Variants in GRM5 observed in about 807,000 individuals in gnomAD.
The protein encoded by GRM5 is glutamate metabotropic receptor 5, also known as metabotropic glutamate receptor 5.
In GRM5, 19 loss-of-function variants were observed where a neutral mutation model predicts 83.1. The observed-to-expected ratio is 0.23, with a 90% confidence interval of 0.16 to 0.34. The LOEUF (loss-of-function observed/expected upper bound fraction) is 0.34. Ranked by LOEUF, GRM5 falls within the 10% of genes least tolerant of loss-of-function variation. GRM5 has a pLI of 1.00. For synonymous variants in GRM5, 675 were observed against 633.6 expected (o/e 1.07, Z -0.98); for missense variants, 1,160 against 1,588.3 (o/e 0.73, Z 4.58).
At chr11:88,997,121 T>C (rs931218310) in intron 2 of GRM5, among the ~76,000 whole-genome samples, 1 of 151,476 alleles carries the variant, frequency 6.6e-6, no homozygotes, top group African/African-American at 2.4e-5. Context: ...GGTCAGGAGT[T>C]CAAGACCAGC....
rs538494787 is a variant in GRM5, at chr11:88,509,292, G to A, written c.2939C>T (p.Ala980Val). 8.0e-6 allele frequency: 12 copies of A among 1,491,122 alleles called. No individual in the cohort carries two copies. Among genetic ancestry groups the A allele is most frequent in the Non-Finnish European group, 7.1e-6 (8 of 1,123,678 alleles). 92.4% of individuals were successfully genotyped at this position (1,491,122 alleles called of 1,614,324 possible). A position where few individuals can be genotyped will look rare whatever the true frequency, so the allele number is the denominator to read the frequency against. Residue 980 changes from alanine to valine, a missense_variant, in exon 10 of 10, where the codon GCG becomes GTG. By Grantham distance (64) the Ala-to-Val change is moderately conservative. This residue lies in a region of GRM5 where 562 missense variants were observed against 532.4 expected (regional missense o/e 1.06). Transcript: ENST00000305447. Reference sequence around the variant, plus strand: ...GCCTGGGCCGGCGCCTGCGCAGCCCGCACCGCCCGTGGCCCCCACGCCCCC... The same window carrying A: ...GCCTGGGCCGGCGCCTGCGCAGCCCACACCGCCCGTGGCCCCCACGCCCCC... Reference protein sequence around the residue: ...SAGGVGATGGAGCAGAGPGGP... With the variant: ...SAGGVGATGGVGCAGAGPGGP...
chr11:88,778,614 G>C (rs964794783), intron 3 of GRM5, among the ~76,000 whole-genome samples: 2 of 152,102 alleles, frequency 1.3e-5, no homozygotes, highest in East Asian at 3.9e-4. Flanking sequence ...TTTTTATGTT[G>C]TTATTAAAAT....
rs369135414 is a variant in GRM5 at position 88,994,049 on chromosome 11, C to T, written c.661+53163G>A. ...AGTTTTATAATATAAAAGCAATATA[C>T]AAAAATCAGCAGCATTCAGTTACTA... On this transcript the variant is annotated intron_variant, in intron 2 of 9. Transcript: ENST00000305447. 3.3e-5 allele frequency among the ~76,000 whole-genome samples: 5 copies of T among 151,954 alleles called. 1 individual carries two copies. Among genetic ancestry groups the T allele is most frequent in the Admixed American group, 3.3e-4 (5 of 15,262 alleles).
intron 4 of GRM5, among the ~76,000 whole-genome samples, chr11:88,640,280 A>G (rs1325771276): frequency 2.6e-5 from 4 of 152,142 alleles, no homozygotes; most frequent in African/African-American, 9.7e-5. Flanking sequence ...TTTTTCTTCA[A>G]TGTCTGTTAT....
chr11:88,600,458 T>C (rs1937952002), intron 5 of GRM5, among the ~76,000 whole-genome samples: 1 of 151,866 alleles, frequency 6.6e-6, no homozygotes, highest in Non-Finnish European at 1.5e-5. Flanking sequence ...TTCCCCTTAC[T>C]CTCTAACTCC....
At chr11:88,928,461 T>TGG (rs1945828277) in intron 2 of GRM5, among the ~76,000 whole-genome samples, 1 of 8,430 alleles carries the variant, frequency 1.2e-4, no homozygotes, top group Admixed American at 3.0e-3. Flanking sequence ...TGTGTGTGTG[T>TGG]GTGTATATAT....
chr11:88,597,199 C>T lies in GRM5; in HGVS notation c.1548G>A (p.Glu516=), dbSNP rs908061598. The T allele has an allele frequency of 6.3e-7, 1 of 1,575,736 alleles. No individual in the cohort carries two copies. Among genetic ancestry groups the T allele is most frequent in the Non-Finnish European group, 8.6e-7 (1 of 1,163,470 alleles). ...IIRSVCSEPC[E]KGQIKVIRKG... is the part of the protein sequence containing the mutation. ...TCCATTTTACCTTGATCTGGCCTTT[C>T]TCACATGGTTCACTGCACACAGATC... Residue 516 remains glutamate, a synonymous_variant, in exon 6 of 10, where the codon GAG becomes GAA. Transcript: ENST00000305447.
At chr11:88,706,569 A>G (rs1232453822) in intron 3 of GRM5, among the ~76,000 whole-genome samples, 1 of 152,074 alleles carries the variant, frequency 6.6e-6, no homozygotes, top group East Asian at 1.9e-4. Flanking sequence ...AAATTTTGGA[A>G]GGTGCTATTA....
intron 4 of GRM5, among the ~76,000 whole-genome samples, chr11:88,642,386 C>A (rs1335000374): frequency 6.6e-6 from 1 of 152,138 alleles, no homozygotes; most frequent in African/African-American, 2.4e-5. Context: ...CTCTGAAATG[C>A]CTAAGCGGCC....
chr11:88,823,117 T>C (rs1051895156), intron 3 of GRM5, among the ~76,000 whole-genome samples: 3 of 151,948 alleles, frequency 2.0e-5, no homozygotes, highest in African/African-American at 7.2e-5. Flanking sequence ...TCTATTCCTT[T>C]GCCTTTTTGT....
chr11:88,756,132 C>T, intron 3 of GRM5, among the ~76,000 whole-genome samples: 1 of 152,142 alleles, frequency 6.6e-6, no homozygotes, highest in Non-Finnish European at 1.5e-5. Flanking sequence ...TGGAAACAGC[C>T]TTACTTTAGC....
chr11:88,751,034 A>G (rs1942257914), intron 3 of GRM5, among the ~76,000 whole-genome samples: 1 of 147,858 alleles, frequency 6.8e-6, no homozygotes, highest in African/African-American at 2.5e-5. Context: ...ACAGAACTAG[A>G]GAAACAAGAG....
chr11:88,808,237 T>C (rs953057446), intron 3 of GRM5, among the ~76,000 whole-genome samples: 3 of 152,026 alleles, frequency 2.0e-5, no homozygotes, highest in African/African-American at 7.2e-5. Flanking sequence ...ATATAAGTTT[T>C]GAAATGACTT....
At chr11:88,619,193 T>C (rs1938566410) in intron 4 of GRM5, among the ~76,000 whole-genome samples, 1 of 152,220 alleles carries the variant, frequency 6.6e-6, no homozygotes, top group African/African-American at 2.4e-5. Flanking sequence ...TTGAAGTAGC[T>C]GTTAAACAAA....
At chr11:88,539,685 G>A (rs1319270162) in intron 8 of GRM5, among the ~76,000 whole-genome samples, 1 of 152,074 alleles carries the variant, frequency 6.6e-6, no homozygotes, top group Non-Finnish European at 1.5e-5. Context: ...TTAAGTTAAT[G>A]CATCTTTGAT....
intron 2 of GRM5, among the ~76,000 whole-genome samples, chr11:89,017,771 G>C (rs1206645168): frequency 6.6e-6 from 1 of 152,142 alleles, no homozygotes; most frequent in African/African-American, 2.4e-5. Flanking sequence ...ACCCACCATA[G>C]AGTTTCTATT....
intron 3 of GRM5, among the ~76,000 whole-genome samples, chr11:88,762,509 T>G (rs1163305827): frequency 1.4e-5 from 2 of 146,636 alleles, no homozygotes; most frequent in African/African-American, 5.1e-5. Context: ...CAGAATGTAT[T>G]ATTAAAAAGT....
intron 3 of GRM5, among the ~76,000 whole-genome samples, chr11:88,793,318 G>A (rs1463061614): frequency 2.0e-5 from 3 of 152,074 alleles, no homozygotes; most frequent in Non-Finnish European, 4.4e-5. Context: ...TAAGCTATGT[G>A]CTTTCCAGAT....
intron 3 of GRM5, among the ~76,000 whole-genome samples, chr11:88,674,137 G>T (rs78770447): frequency 0.01 from 1,577 of 151,818 alleles, 30 homozygotes; most frequent in African/African-American, 0.036. Flanking sequence ...GGGAGTGTTG[G>T]GAGTCACTGA....
Sources: gnomAD v4.1 joint callset for allele counts (sites outside exome capture counted in the v4.1 genomes callset) on GRCh38, gnomAD v4.1.1 for gene constraint, gnomAD v4.1.1 regional missense constraint, MANE v1.5 for transcripts, NCBI Gene and HGNC (gene_info 2026-07-23, HGNC 2026-07-21) for gene names.